Variants in ROBO2 observed in about 807,000 individuals in gnomAD.
ROBO2 encodes roundabout homolog 2.
In ROBO2, 53 loss-of-function variants were observed where a neutral mutation model predicts 160.8. The observed-to-expected ratio is 0.33, with a 90% CI of 0.26 to 0.41. ROBO2 has a LOEUF of 0.41. Among genes scored for constraint, ROBO2 ranks in the 10% least tolerant of loss-of-function variants. The pLI, the probability that ROBO2 is intolerant of heterozygous loss-of-function variation, is 1.00. For synonymous variants in ROBO2, 664 were observed against 611.7 expected, an observed-to-expected ratio of 1.09 and a Z score of -1.26; for missense variants, 1,577 against 1,722.4, an observed-to-expected ratio of 0.92 and a Z score of 1.49.
chr3:76,460,819 A>T (rs1321779636), intron 2 of ROBO2, among the ~76,000 whole-genome samples: 1 of 152,210 alleles, frequency 6.6e-6, no homozygotes, highest in Non-Finnish European at 1.5e-5. Context: ...TAAATCATTA[A>T]ATTCTGGAAT....
intron 5 of ROBO2, among the ~76,000 whole-genome samples, chr3:77,501,646 T>G (rs2153607670): frequency 6.6e-6 from 1 of 152,226 alleles, no homozygotes; most frequent in South Asian, 2.1e-4. Context: ...TCTGAAAAAT[T>G]GTATAATTCT....
At chr3:76,750,573 TAAGCTGATAAGCA>T (rs2093967557) in intron 2 of ROBO2, among the ~76,000 whole-genome samples, 1 of 152,146 alleles carries the variant, frequency 6.6e-6, no homozygotes. Flanking sequence ...CAAATCTCCT[TAAGCTGATAAGCA>T]ACTTCAGCAA....
chr3:76,384,536 A>G (rs559729859), intron 2 of ROBO2, among the ~76,000 whole-genome samples: 2 of 152,194 alleles, frequency 1.3e-5, no homozygotes, highest in Non-Finnish European at 2.9e-5. Flanking sequence ...GTGTGCATGT[A>G]TTAGTCTGTT....
intron 13 of ROBO2, among the ~76,000 whole-genome samples, chr3:77,573,953 C>T (rs1329413752): frequency 6.6e-6 from 1 of 151,922 alleles, no homozygotes; most frequent in Non-Finnish European, 1.5e-5. Context: ...AGGGCAGGGG[C>T]TGACTCTATT....
At chr3:76,683,903 GAAAT>G (rs894910516) in intron 2 of ROBO2, among the ~76,000 whole-genome samples, 1 of 151,902 alleles carries the variant, frequency 6.6e-6, no homozygotes, top group African/African-American at 2.4e-5. Flanking sequence ...GTTTAAAAAA[GAAAT>G]AAAAAGTTTA....
chr3:77,007,465 A>G (rs2061641466), intron 2 of ROBO2, among the ~76,000 whole-genome samples: 1 of 152,052 alleles, frequency 6.6e-6, no homozygotes, highest in Non-Finnish European at 1.5e-5. Flanking sequence ...CTATATATTT[A>G]CAGATCTTCT....
intron 2 of ROBO2, among the ~76,000 whole-genome samples, chr3:76,126,682 T>G (rs1229105973): frequency 6.6e-6 from 1 of 152,122 alleles, no homozygotes; most frequent in African/African-American, 2.4e-5. Context: ...AATTCCTATA[T>G]TCTATGGAAT....
intron 13 of ROBO2, among the ~76,000 whole-genome samples, chr3:77,571,884 G>A (rs1168999319): frequency 1.3e-5 from 2 of 149,206 alleles, no homozygotes; most frequent in Non-Finnish European, 3.0e-5. Flanking sequence ...GCTTCCACCT[G>A]TAACAACAAA....
intron 2 of ROBO2, among the ~76,000 whole-genome samples, chr3:76,912,051 C>G (rs2076025054): frequency 6.6e-6 from 1 of 152,110 alleles, no homozygotes; most frequent in East Asian, 1.9e-4. Flanking sequence ...GATATTGAAA[C>G]CAAAGACCAA....
chr3:76,403,663 C>T (rs1027268802), intron 2 of ROBO2, among the ~76,000 whole-genome samples: 1 of 151,568 alleles, frequency 6.6e-6, no homozygotes, highest in Non-Finnish European at 1.5e-5. Flanking sequence ...TCATCATAAG[C>T]ACTGGCAGAG....
intron 2 of ROBO2, among the ~76,000 whole-genome samples, chr3:76,198,740 T>A (rs4856015): frequency 6.6e-6 from 1 of 152,128 alleles, no homozygotes; most frequent in Non-Finnish European, 1.5e-5. Context: ...CTTATCTTAA[T>A]CCAGACACTC....
At chr3:76,117,550 G>A (rs1215717953) in intron 2 of ROBO2, among the ~76,000 whole-genome samples, 3 of 152,154 alleles carry the variant, frequency 2.0e-5, no homozygotes, top group Non-Finnish European at 2.9e-5. Context: ...TCCTCTGAGG[G>A]ACAAGCACTT....
At chr3:76,757,750 T>G (rs1255059071) in intron 2 of ROBO2, among the ~76,000 whole-genome samples, 1 of 151,836 alleles carries the variant, frequency 6.6e-6, no homozygotes, top group African/African-American at 2.4e-5. Context: ...AAATGAGTTT[T>G]TAATACTCCT....
intron 2 of ROBO2, among the ~76,000 whole-genome samples, chr3:76,280,461 A>C (rs1708170876): frequency 6.6e-6 from 1 of 152,054 alleles, no homozygotes; most frequent in Non-Finnish European, 1.5e-5. Context: ...TCTGCAAGCC[A>C]GAAAGAGAGC....
intron 2 of ROBO2, among the ~76,000 whole-genome samples, chr3:76,286,282 T>C (rs1559720322): frequency 6.6e-6 from 1 of 152,128 alleles, no homozygotes; most frequent in Non-Finnish European, 1.5e-5. Context: ...TAGAAAACTA[T>C]ATAGATGAAA....
At chr3:76,924,795 T>TG (rs1187770712) in intron 2 of ROBO2, among the ~76,000 whole-genome samples, 1 of 152,236 alleles carries the variant, frequency 6.6e-6, no homozygotes, top group East Asian at 1.9e-4. Flanking sequence ...TTCTGACACC[T>TG]GAACTCTCAG....
At chr3:76,910,734 AAAAAAAAAAAG>A (rs1475215154) in intron 2 of ROBO2, among the ~76,000 whole-genome samples, 28 of 148,342 alleles carry the variant, frequency 1.9e-4, no homozygotes, top group South Asian at 8.6e-4. Flanking sequence ...TCAAAAAAAA[AAAAAAAAAAAG>A]AAAAAAAAAG....
At chr3:76,330,769 T>A (rs984175561) in intron 2 of ROBO2, among the ~76,000 whole-genome samples, 5 of 151,920 alleles carry the variant, frequency 3.3e-5, no homozygotes, top group African/African-American at 1.2e-4. Context: ...TTTTGCTTTG[T>A]CAGTGAAAAA....
intron 2 of ROBO2, among the ~76,000 whole-genome samples, chr3:76,256,125 C>T (rs1427312302): frequency 6.6e-6 from 1 of 151,708 alleles, no homozygotes; most frequent in East Asian, 1.9e-4. Context: ...AAAGTGAGAC[C>T]TCCTCTCTGA....
Sources: gnomAD v4.1 joint callset for allele counts (sites outside exome capture counted in the v4.1 genomes callset) on GRCh38, gnomAD v4.1.1 for gene constraint, MANE v1.5 for transcripts, NCBI Gene and HGNC (gene_info 2026-07-23, HGNC 2026-07-21) for gene names.